Variants in FGF12 observed in about 807,000 individuals in gnomAD.
FGF12 encodes the protein fibroblast growth factor 12B.
In FGF12, 14 loss-of-function variants were observed where a neutral mutation model predicts 23.6. The observed-to-expected ratio is 0.59, with a 90% CI of 0.39 to 0.93. The LOEUF (loss-of-function observed/expected upper bound fraction) is 0.93, where lower values mean the gene tolerates loss of function less well. FGF12 is among the 40% of genes least tolerant of loss of function. The probability of loss-of-function intolerance (pLI) is 0.00; values close to 1 mark genes in which losing one functional copy is unlikely to be tolerated. For synonymous variants in FGF12, 62 were observed against 77.3 expected, an observed-to-expected ratio of 0.80 and a Z score of 1.04; for missense variants, 175 against 217.8, an observed-to-expected ratio of 0.80 and a Z score of 1.24.
At chr3:192,624,730 G>T (rs919142015) in intron 2 of FGF12, among the ~76,000 whole-genome samples, 6 of 152,092 alleles carry the variant, frequency 3.9e-5, no homozygotes, top group Non-Finnish European at 7.4e-5. Context: ...TATATATTAT[G>T]TGTGTATACA....
At chr3:192,683,439 G>C (rs1050997721) in intron 2 of FGF12, among the ~76,000 whole-genome samples, 1 of 152,096 alleles carries the variant, frequency 6.6e-6, no homozygotes, top group African/African-American at 2.4e-5. Flanking sequence ...TGGCAGCATC[G>C]GTGTTATGTG....
intron 4 of FGF12, chr3:192,283,172 T>C (rs181277825): frequency 3.9e-5 from 6 of 152,236 alleles, no homozygotes; most frequent in Admixed American, 3.3e-4. Flanking sequence ...TTGAATGTTA[T>C]CTAAAATATT....
At chr3:192,697,302 C>T (rs1411216243) in intron 2 of FGF12, among the ~76,000 whole-genome samples, 2 of 152,194 alleles carry the variant, frequency 1.3e-5, no homozygotes, top group African/African-American at 2.4e-5. Context: ...ACTTGCATTG[C>T]TTTTGGAAAC....
chr3:192,154,693 T>C (rs1038141591), intron 5 of FGF12, among the ~76,000 whole-genome samples: 1 of 141,532 alleles, frequency 7.1e-6, no homozygotes, highest in East Asian at 2.0e-4. Flanking sequence ...AGCTGCGTGC[T>C]GGGAGAACCA....
chr3:192,415,042 G>A, intron 2 of FGF12, among the ~76,000 whole-genome samples: 1 of 151,986 alleles, frequency 6.6e-6, no homozygotes, highest in East Asian at 1.9e-4. Context: ...AAAATCAAAG[G>A]GAAACTAAGT....
chr3:192,168,626 G>A (rs1033753956), intron 5 of FGF12, among the ~76,000 whole-genome samples: 6 of 152,086 alleles, frequency 3.9e-5, no homozygotes, highest in African/African-American at 1.4e-4. Flanking sequence ...AAAGTTCTCT[G>A]GCGCATATAT....
At chr3:192,612,975 A>C (rs561909176) in intron 2 of FGF12, among the ~76,000 whole-genome samples, 7 of 151,978 alleles carry the variant, frequency 4.6e-5, no homozygotes, top group Non-Finnish European at 7.4e-5. Context: ...CTTTGGAACC[A>C]CAAACTGTGG....
At chr3:192,554,189 A>G (rs1374506636) in intron 2 of FGF12, among the ~76,000 whole-genome samples, 1 of 152,196 alleles carries the variant, frequency 6.6e-6, no homozygotes, top group Non-Finnish European at 1.5e-5. Context: ...ATAACATACA[A>G]CAGACAGAGG....
At chr3:192,286,069 G>C (rs921293395) in intron 4 of FGF12, among the ~76,000 whole-genome samples, 4 of 151,984 alleles carry the variant, frequency 2.6e-5, no homozygotes, top group Non-Finnish European at 5.9e-5. Flanking sequence ...TTCATGTGAT[G>C]CAAGTGAAAA....
intron 4 of FGF12, among the ~76,000 whole-genome samples, chr3:192,211,951 C>T (rs969410873): frequency 2.6e-5 from 4 of 152,164 alleles, no homozygotes; most frequent in African/African-American, 9.7e-5. Context: ...AGTGAAGTCT[C>T]TCCCACATTA....
rs564824611 is a variant in FGF12 at position 192,211,290 on chromosome 3, T to C, written c.229-40634A>G. On this transcript the variant is annotated intron_variant, in intron 4 of 5. Coordinates refer to ENST00000445105, the MANE Select transcript of FGF12 (RefSeq NM_004113.6). ...TGCTTTTGAGAGTTGTGGTGGTTTTTAAGCAACTAAAAGGGTAGAGTTGCC... is the reference window on the plus strand; with the variant it reads ...TGCTTTTGAGAGTTGTGGTGGTTTTCAAGCAACTAAAAGGGTAGAGTTGCC... Among the ~76,000 whole-genome samples, 9 of 152,304 alleles carry C rather than the reference T, an allele frequency of 5.9e-5. No individual in the cohort carries two copies. In the South Asian group the frequency reaches 1.9e-3, roughly 32 times the overall value.
intron 4 of FGF12, among the ~76,000 whole-genome samples, chr3:192,190,586 C>T (rs1716733505): frequency 6.7e-6 from 1 of 149,952 alleles, no homozygotes; most frequent in Non-Finnish European, 1.5e-5. Context: ...CGCCATTCTC[C>T]TGCCTCAGCC....
Position 192,321,015 on chromosome 3 carries a change from A to T in FGF12, c.228+14346T>A, listed in dbSNP as rs74448914. 1.1e-3 allele frequency among the ~76,000 whole-genome samples: 164 copies of T among 152,242 alleles called. 1 individual carries two copies. The highest frequency in any genetic ancestry group is 3.8e-3 in the African/African-American group (157 of 41,562). ...AAAAATACAGAAATCAATGAAATAA[A>T]ATGTTGGTTTTTTGAAAAGATAAAC... is the stretch of plus-strand genomic sequence containing the variant. On this transcript the variant is annotated intron_variant, in intron 4 of 5. Coordinates refer to ENST00000445105, the MANE Select transcript of FGF12 (RefSeq NM_004113.6).
chr3:192,436,081 C>A (rs780286368), intron 2 of FGF12, among the ~76,000 whole-genome samples: 1 of 152,150 alleles, frequency 6.6e-6, no homozygotes, highest in Non-Finnish European at 1.5e-5. Flanking sequence ...CGCCAGGCCT[C>A]GTGCTAGGGG....
intron 4 of FGF12, among the ~76,000 whole-genome samples, chr3:192,198,857 C>A (rs1043754768): frequency 7.2e-5 from 11 of 152,194 alleles, no homozygotes; most frequent in African/African-American, 2.7e-4. Flanking sequence ...CTGGACACTA[C>A]CAGAGACACA....
chr3:192,621,542 T>A (rs1259930078), intron 2 of FGF12, among the ~76,000 whole-genome samples: 1 of 151,970 alleles, frequency 6.6e-6, no homozygotes, highest in East Asian at 1.9e-4. Flanking sequence ...CAGGGCTATT[T>A]TAGAGTAGAG....
At chr3:192,470,170 T>C (rs893863756) in intron 2 of FGF12, among the ~76,000 whole-genome samples, 3 of 152,298 alleles carry the variant, frequency 2.0e-5, no homozygotes, top group African/African-American at 7.2e-5. Flanking sequence ...GATCAGTCTT[T>C]AACTTAAAAA....
chr3:192,619,404 C>A (rs1157506058), intron 2 of FGF12, among the ~76,000 whole-genome samples: 2 of 152,126 alleles, frequency 1.3e-5, no homozygotes, highest in African/African-American at 4.8e-5. Flanking sequence ...GTGCGTATAG[C>A]AGGAAGGTGC....
At chr3:192,437,729 A>G (rs1722072508) in intron 2 of FGF12, among the ~76,000 whole-genome samples, 1 of 151,930 alleles carries the variant, frequency 6.6e-6, no homozygotes, top group Admixed American at 6.5e-5. Flanking sequence ...CAAAAAAAAA[A>G]ACAGTGAGCA....
Sources: gnomAD v4.1 joint callset for allele counts (sites outside exome capture counted in the v4.1 genomes callset) on GRCh38, gnomAD v4.1.1 for gene constraint, MANE v1.5 for transcripts, NCBI Gene and HGNC (gene_info 2026-07-23, HGNC 2026-07-21) for gene names.